PLEKHA7: variants seen among roughly 807,000 people sequenced by gnomAD.
The protein encoded by PLEKHA7 is pleckstrin homology domain-containing family A member 7.
Under a neutral mutation model 170.0 loss-of-function variants are expected in PLEKHA7, and 104 were observed. The observed-to-expected ratio is 0.61, with a 90% confidence interval of 0.52 to 0.72. The LOEUF is 0.72. Among genes scored for constraint, PLEKHA7 ranks in the 30% least tolerant of loss-of-function variants. PLEKHA7 has a pLI of 0.00. For synonymous variants in PLEKHA7, 648 were observed against 660.8 expected (o/e 0.98, Z 0.30); for missense variants, 1,615 against 1,671.7 (o/e 0.97, Z 0.59).
chr11:16,892,058 C>A (rs1313202963), intron 3 of PLEKHA7, among the ~76,000 whole-genome samples: 1 of 152,168 alleles, frequency 6.6e-6, no homozygotes, highest in Non-Finnish European at 1.5e-5. Context: ...CAACTGCCTT[C>A]CATTGGTGGA....
At position 16,803,318 on chromosome 11, in the gene PLEKHA7, G is replaced by C. The variant is rs191878759; in HGVS notation, c.2008-23C>G. On this transcript the variant is annotated intron_variant, in intron 13 of 26. Coordinates refer to ENST00000531066, the MANE Select transcript of PLEKHA7 (RefSeq NM_001329630.2). Reference sequence around the variant, plus strand: ...CATCTGGGAGGCGAACAATTTAAAAGAGATTTAACCATGGTGTTTGAGATC... The same window carrying C: ...CATCTGGGAGGCGAACAATTTAAAACAGATTTAACCATGGTGTTTGAGATC... The C allele has an allele frequency of 1.1e-4, 177 of 1,599,094 alleles. No homozygotes were observed. The East Asian group carries it at 3.5e-3, about 32-fold the overall frequency.
chr11:16,969,024 T>C (rs188012674), intron 3 of PLEKHA7, among the ~76,000 whole-genome samples: 3 of 152,294 alleles, frequency 2.0e-5, no homozygotes, highest in Admixed American at 6.5e-5. Context: ...TAATATATCA[T>C]GAACCCAGAA....
intron 4 of PLEKHA7, among the ~76,000 whole-genome samples, chr11:16,861,457 T>G (rs1463360058): frequency 6.6e-6 from 1 of 151,850 alleles, no homozygotes; most frequent in Non-Finnish European, 1.5e-5. Flanking sequence ...GCTCAAGACC[T>G]GGGCAACATA....
At chr11:16,928,443 AT>A (rs764854359) in intron 3 of PLEKHA7, among the ~76,000 whole-genome samples, 5,275 of 138,598 alleles carry the variant, frequency 0.038, 201 homozygotes, top group African/African-American at 0.11. Flanking sequence ...TTGCCCCCAG[AT>A]TTTTTTTTTT....
chr11:17,003,165 A>C (rs1280223051), intron 3 of PLEKHA7, among the ~76,000 whole-genome samples: 1 of 151,884 alleles, frequency 6.6e-6, no homozygotes, highest in African/African-American at 2.4e-5. Context: ...TAATTTTGAT[A>C]TTTTTAGTAG....
chr11:16,992,410 G>C (rs1293246978), intron 3 of PLEKHA7, among the ~76,000 whole-genome samples: 1 of 152,182 alleles, frequency 6.6e-6, no homozygotes, highest in African/African-American at 2.4e-5. Context: ...TCCTACATGG[G>C]TAAACAAGAA....
At chr11:16,906,305 T>C (rs1857687300) in intron 3 of PLEKHA7, among the ~76,000 whole-genome samples, 2 of 138,762 alleles carry the variant, frequency 1.4e-5, no homozygotes, top group Admixed American at 1.4e-4. Context: ...GAAAGGCTCC[T>C]CCTCTCCCTC....
chr11:16,840,565 C>A (rs1348255535), intron 9 of PLEKHA7, among the ~76,000 whole-genome samples: 1 of 151,980 alleles, frequency 6.6e-6, no homozygotes, highest in Non-Finnish European at 1.5e-5. Context: ...TGTCTGAAAA[C>A]AAAACAAAAC....
At chr11:16,785,809 C>G (rs560744162) in intron 24 of PLEKHA7, among the ~76,000 whole-genome samples, 2 of 152,316 alleles carry the variant, frequency 1.3e-5, no homozygotes, top group East Asian at 3.9e-4. Flanking sequence ...TTCCCCTAGT[C>G]AGACTGCCCA....
chr11:16,921,805 G>C (rs1442625354), intron 3 of PLEKHA7, among the ~76,000 whole-genome samples: 3 of 152,214 alleles, frequency 2.0e-5, no homozygotes, highest in Non-Finnish European at 4.4e-5. Flanking sequence ...ACGTTGTCCT[G>C]TTTGAGCATA....
chr11:16,838,485 C>T lies in PLEKHA7; in HGVS notation c.872+3062G>A, dbSNP rs531919615. On this transcript the variant is annotated intron_variant, in intron 9 of 26. Transcript: ENST00000531066. ...CTATGATCATACCACTGCACTCCAG[C>T]CAGGGTGATAGATTGAGACTCTGTG... is the stretch of plus-strand genomic sequence containing the variant. 2.0e-5 allele frequency among the ~76,000 whole-genome samples: 3 copies of T among 147,620 alleles called. No homozygotes were observed. The South Asian group carries it at 6.4e-4, about 31-fold the overall frequency.
intron 4 of PLEKHA7, among the ~76,000 whole-genome samples, chr11:16,866,593 A>C (rs1285264003): frequency 6.6e-6 from 1 of 151,710 alleles, no homozygotes; most frequent in African/African-American, 2.4e-5. Flanking sequence ...ACTCTGTCTC[A>C]AAAAACAAAA....
In PLEKHA7 at chr11:16,908,448, G is replaced by A. The variant is rs185752280; in HGVS notation, c.222-37266C>T. Among the ~76,000 whole-genome samples the A allele has an allele frequency of 2.6e-5, 4 of 151,888 alleles. 1 individual carries two copies. Among genetic ancestry groups the A allele is most frequent in the South Asian group, 2.1e-4 (1 of 4,788 alleles). On this transcript the variant is annotated intron_variant, in intron 3 of 26. Transcript: ENST00000531066. ...AGTCTCAGAAGGAACCAAACCTGCCGACCCCTTGATCTCAGGTTTCGAGCT... is the reference window on the plus strand; with the variant it reads ...AGTCTCAGAAGGAACCAAACCTGCCAACCCCTTGATCTCAGGTTTCGAGCT...
intron 9 of PLEKHA7, among the ~76,000 whole-genome samples, chr11:16,832,174 G>T (rs933851321): frequency 2.6e-5 from 4 of 152,166 alleles, no homozygotes. Context: ...CCACGTCCCT[G>T]ATTGCATCAC....
At chr11:16,790,095 C>A (rs2061844533) in intron 21 of PLEKHA7, 1 of 561,218 alleles carries the variant, frequency 1.8e-6, no homozygotes, top group Admixed American at 3.1e-5. Flanking sequence ...GGGGCAGTGT[C>A]CCTGCAGATC....
intron 3 of PLEKHA7, among the ~76,000 whole-genome samples, chr11:16,908,599 G>A (rs1250827990): frequency 9.2e-5 from 14 of 151,908 alleles, no homozygotes; most frequent in African/African-American, 3.4e-4. Context: ...GGGTTCAAGC[G>A]ATTCTCCTGC....
chr11:16,979,657 A>G (rs1409623593), intron 3 of PLEKHA7, among the ~76,000 whole-genome samples: 1 of 151,978 alleles, frequency 6.6e-6, no homozygotes, highest in African/African-American at 2.4e-5. Flanking sequence ...TTCAATGGAG[A>G]TATACTTGCA....
intron 9 of PLEKHA7, among the ~76,000 whole-genome samples, chr11:16,830,463 C>T (rs1359522533): frequency 1.3e-5 from 2 of 152,156 alleles, no homozygotes; most frequent in African/African-American, 4.8e-5. Context: ...AGTGGTTACT[C>T]CAATTGTGAT....
At chr11:16,858,736 C>A (rs757841114) in intron 4 of PLEKHA7, among the ~76,000 whole-genome samples, 30 of 152,148 alleles carry the variant, frequency 2.0e-4, no homozygotes, top group Non-Finnish European at 2.8e-4. Flanking sequence ...AAGTGATCCA[C>A]CTGCCTCGGC....
Sources: gnomAD v4.1 joint callset for allele counts (sites outside exome capture counted in the v4.1 genomes callset) on GRCh38, gnomAD v4.1.1 for gene constraint, MANE v1.5 for transcripts, NCBI Gene and HGNC (gene_info 2026-07-23, HGNC 2026-07-21) for gene names.